The following USH2A variants were observed in gnomAD, a reference collection of about 807,000 sequenced individuals.
The protein encoded by USH2A is Usher syndrome 2A (autosomal recessive, mild).
Under a neutral mutation model 538.9 loss-of-function variants are expected in USH2A, and 443 were observed. That is an observed-to-expected ratio of 0.82 (90% CI 0.76 to 0.89). USH2A has a LOEUF of 0.89. Among genes scored for constraint, USH2A ranks in the 40% least tolerant of loss-of-function variants. The pLI is 0.00. For synonymous variants in USH2A, 2,413 were observed against 2,273.5 expected (o/e 1.06, Z -1.75); for missense variants, 6,633 against 6,324.8 (o/e 1.05, Z -1.65).
chr1:216,326,801 CA>C (rs1206961208), intron 5 of USH2A, among the ~76,000 whole-genome samples: 2 of 152,138 alleles, frequency 1.3e-5, no homozygotes, highest in African/African-American at 4.8e-5. Context: ...AAACCCACCA[CA>C]CTAATTTATA....
At chr1:216,043,371 T>G (rs2030371707) in intron 32 of USH2A, among the ~76,000 whole-genome samples, 1 of 151,830 alleles carries the variant, frequency 6.6e-6, no homozygotes, top group Admixed American at 6.6e-5. Flanking sequence ...TTAAACTATT[T>G]GGAGATGAAA....
intron 3 of USH2A, among the ~76,000 whole-genome samples, chr1:216,401,282 CA>C (rs1452201005): frequency 6.6e-6 from 1 of 151,924 alleles, no homozygotes; most frequent in Non-Finnish European, 1.5e-5. Context: ...AAACACTATA[CA>C]AAAAAGATAT....
chr1:216,187,097 T>G (rs1386945851), intron 20 of USH2A, among the ~76,000 whole-genome samples: 2 of 151,978 alleles, frequency 1.3e-5, no homozygotes, highest in Non-Finnish European at 2.9e-5. Flanking sequence ...TCAGTAAATA[T>G]CTGCGAAAGT....
chr1:216,286,922 A>G (rs879470638), intron 11 of USH2A, among the ~76,000 whole-genome samples: 9 of 152,220 alleles, frequency 5.9e-5, no homozygotes, highest in Non-Finnish European at 1.0e-4. Flanking sequence ...AACAACAGGA[A>G]GGAAGATTTT....
At chr1:216,205,890 G>A (rs951881314) in intron 16 of USH2A, among the ~76,000 whole-genome samples, 2 of 152,118 alleles carry the variant, frequency 1.3e-5, no homozygotes, top group Non-Finnish European at 1.5e-5. Context: ...TAAAACATCT[G>A]AGTAAATGTT....
chr1:216,139,778 C>T (rs984744830), intron 21 of USH2A, among the ~76,000 whole-genome samples: 3 of 152,190 alleles, frequency 2.0e-5, no homozygotes, highest in Non-Finnish European at 4.4e-5. Flanking sequence ...GAAAAAGGCT[C>T]TGCAGTCATT....
rs201182885 is a variant in USH2A at position 215,782,845 on chromosome 1, C to T, written c.10478G>A (p.Arg3493Lys). Residue 3493 changes from arginine (R) to lysine (K), a missense_variant, in exon 53 of 72, where the codon AGA becomes AAA. Coordinates refer to ENST00000307340, the MANE Select transcript of USH2A (RefSeq NM_206933.4). ...TCCTTGAGGCACATCTTCTTTTGTTCTGGCTCTCACAGCTTTGCTGAGTCC... is the reference window on the plus strand; with the variant it reads ...TCCTTGAGGCACATCTTCTTTTGTTTTGGCTCTCACAGCTTTGCTGAGTCC... ...GRGLSKAVRARTKEDVPQGVS... is the reference protein window; with the variant it reads ...GRGLSKAVRAKTKEDVPQGVS... 1.2e-6 allele frequency: 2 copies of T among 1,613,838 alleles called. No homozygotes were observed. The highest frequency in any genetic ancestry group is 1.3e-5 in the African/African-American group (1 of 74,904).
chr1:216,095,419 A>AT (rs2032418475), intron 22 of USH2A, among the ~76,000 whole-genome samples: 1 of 152,148 alleles, frequency 6.6e-6, no homozygotes, highest in Non-Finnish European at 1.5e-5. Context: ...ACTTCAGCTG[A>AT]TTTTTTAAAA....
chr1:215,711,205 A>G (rs1358754974), intron 61 of USH2A, among the ~76,000 whole-genome samples: 1 of 152,234 alleles, frequency 6.6e-6, no homozygotes, highest in Non-Finnish European at 1.5e-5. Flanking sequence ...GGAGTATTTT[A>G]TAATCCCTTC....
intron 47 of USH2A, among the ~76,000 whole-genome samples, chr1:215,826,508 C>T (rs768041861): frequency 6.6e-6 from 1 of 152,112 alleles, no homozygotes; most frequent in Admixed American, 6.6e-5. Flanking sequence ...AAAGAGCAAG[C>T]TACAATTAGG....
intron 11 of USH2A, among the ~76,000 whole-genome samples, chr1:216,271,702 G>A (rs2036580474): frequency 6.6e-6 from 1 of 151,946 alleles, no homozygotes; most frequent in Admixed American, 6.6e-5. Flanking sequence ...ATTCCTAGTA[G>A]GCAGAGGGTA....
At chr1:216,419,374 C>A (rs2102785106) in intron 2 of USH2A, among the ~76,000 whole-genome samples, 1 of 152,206 alleles carries the variant, frequency 6.6e-6, no homozygotes, top group East Asian at 1.9e-4. Flanking sequence ...GAAGAGTTTT[C>A]AGAAAACTTC....
chr1:215,755,011 T>C (rs1660747239), intron 58 of USH2A, among the ~76,000 whole-genome samples: 1 of 152,190 alleles, frequency 6.6e-6, no homozygotes, highest in South Asian at 2.1e-4. Flanking sequence ...TCTTCTAGTC[T>C]TGGCACGCCA....
Position 215,731,488 on chromosome 1 carries a change from T to C in USH2A, c.11712-3104A>G, listed in dbSNP as rs191222007. Among the ~76,000 whole-genome samples, 9 of 152,284 alleles carry C rather than the reference T, an allele frequency of 5.9e-5. No homozygotes were observed. The East Asian group carries it at 1.5e-3, about 26-fold the overall frequency. On this transcript the variant is annotated intron_variant, in intron 60 of 71. Coordinates refer to ENST00000307340, the MANE Select transcript of USH2A (RefSeq NM_206933.4). ...GTAGCCTGTGTTTAGAGAAATCACA[T>C]TTTCAGTTCTCTCTGAATAGCCAAA...
chr1:216,083,743 G>A (rs2032024600), intron 25 of USH2A, among the ~76,000 whole-genome samples, 157 bp from the exon 26 acceptor site: 2 of 151,958 alleles, frequency 1.3e-5, no homozygotes, highest in Admixed American at 6.6e-5. Flanking sequence ...TAATTGCACA[G>A]AAGTGACAGA....
intron 4 of USH2A, among the ~76,000 whole-genome samples, chr1:216,347,073 T>TAA (rs2038190572): frequency 6.6e-6 from 1 of 152,110 alleles, no homozygotes; most frequent in Non-Finnish European, 1.5e-5. Context: ...GGTCACATAT[T>TAA]AAGTTTACTA....
chr1:215,646,305 A>G (rs1324577492), intron 67 of USH2A, among the ~76,000 whole-genome samples: 1 of 152,000 alleles, frequency 6.6e-6, no homozygotes, highest in African/African-American at 2.4e-5. Flanking sequence ...AAAGGATTCC[A>G]TATTTTCATT....
At position 216,316,564 on chromosome 1, in the gene USH2A, C is replaced by T. The variant is rs577878702; in HGVS notation, c.1644+5319G>A. On this transcript the variant is annotated intron_variant, in intron 9 of 71. Transcript: ENST00000307340. ...CTGTTGTAAATGTGGTAAATGTCAC[C>T]CTGAATCAGTGAGTTGTTGATGGCA... 4.1e-4 allele frequency among the ~76,000 whole-genome samples: 63 copies of T among 152,110 alleles called. 1 individual carries two copies. The South Asian group carries it at 0.013, about 31-fold the overall frequency.
chr1:215,750,280 A>C (rs1660585759), intron 58 of USH2A, among the ~76,000 whole-genome samples: 1 of 152,146 alleles, frequency 6.6e-6, no homozygotes, highest in South Asian at 2.1e-4. Flanking sequence ...TACCAATTGT[A>C]TGGAAATTTA....
Sources: gnomAD v4.1 joint callset for allele counts (sites outside exome capture counted in the v4.1 genomes callset) on GRCh38, gnomAD v4.1.1 for gene constraint, MANE v1.5 for transcripts, NCBI Gene and HGNC (gene_info 2026-07-23, HGNC 2026-07-21) for gene names.